CENPP: variants seen among roughly 807,000 people sequenced by gnomAD.
CENPP encodes the protein centromere protein P.
A neutral mutation model predicts 35.6 loss-of-function variants in CENPP; 24 were observed. The ratio of observed to expected loss-of-function variants is 0.67; its 90% CI spans 0.49 to 0.95. The LOEUF is 0.95. Ranked by LOEUF, CENPP falls within the 40% of genes least tolerant of loss-of-function variation. The pLI, the probability that CENPP is intolerant of heterozygous loss-of-function variation, is 0.00. For synonymous variants in CENPP, 120 were observed against 125.5 expected (o/e 0.96, Z 0.29); for missense variants, 332 against 345.3 (o/e 0.96, Z 0.31).
At chr9:92,381,384 A>G (rs1842239735) in intron 5 of CENPP, among the ~76,000 whole-genome samples, 2 of 151,586 alleles carry the variant, frequency 1.3e-5, no homozygotes, top group Admixed American at 1.3e-4. Context: ...TCCCTGGCTC[A>G]GGTGATCCTC....
At chr9:92,410,654 G>A (rs1030223864) in intron 5 of CENPP, among the ~76,000 whole-genome samples, 3 of 152,160 alleles carry the variant, frequency 2.0e-5, no homozygotes, top group African/African-American at 7.2e-5. Flanking sequence ...ATGTTGGAAG[G>A]AACCCAAAGA....
rs1400210488 is a variant in CENPP, at chr9:92,611,461, CT to C, written c.644+69del. 3 of 1,256,400 alleles carry C rather than the reference CT, an allele frequency of 2.4e-6. No homozygotes were observed. The African/African-American group carries it at 4.5e-5, about 19-fold the overall frequency. 77.8% of individuals were successfully genotyped at this position (1,256,400 alleles called of 1,614,324 possible). A position where few individuals can be genotyped will look rare whatever the true frequency, so the allele number is the denominator to read the frequency against. ...ACAAGGATTCCAAGTAGGAGACCAC[CT>C]AAGTAGGATTCTAAGTAGTAAACTA... is the stretch of plus-strand genomic sequence containing the variant. On this transcript the variant is annotated intron_variant, in intron 6 of 7. Transcript: ENST00000375587.
intron 4 of CENPP, among the ~76,000 whole-genome samples, chr9:92,350,334 C>T (rs537413166): frequency 2.0e-4 from 31 of 152,302 alleles, no homozygotes; most frequent in African/African-American, 7.2e-4. Flanking sequence ...GTCATTCTTA[C>T]AGCTGTGAGA....
At chr9:92,540,472 T>C (rs1361151784) in intron 5 of CENPP, among the ~76,000 whole-genome samples, 2 of 146,336 alleles carry the variant, frequency 1.4e-5, no homozygotes, top group Non-Finnish European at 3.0e-5. Flanking sequence ...TATAAAAACA[T>C]CTTAAAATAA....
chr9:92,416,803 G>T (rs1443604000), intron 5 of CENPP: 2 of 1,613,898 alleles, frequency 1.2e-6, no homozygotes, highest in South Asian at 2.2e-5. Flanking sequence ...GTTTGTCGAA[G>T]TATTTTTCGG....
chr9:92,359,820 A>G lies in CENPP; in HGVS notation c.467+14033A>G, dbSNP rs1345027963. On this transcript the variant is annotated intron_variant, in intron 4 of 7. Coordinates refer to ENST00000375587, the MANE Select transcript of CENPP (RefSeq NM_001012267.3). ...TTTTTTTTTGCTTGCTCTGGCTTCT[A>G]TAAGCTGTGTGTAAGCTGCTCTGGT... Among the ~76,000 whole-genome samples, 6 of 150,282 alleles carry G rather than the reference A, an allele frequency of 4.0e-5. No individual in the cohort carries two copies. In the East Asian group the frequency reaches 1.2e-3, roughly 29 times the overall value.
intron 4 of CENPP, among the ~76,000 whole-genome samples, chr9:92,377,678 A>G (rs1244710808): frequency 3.3e-5 from 5 of 152,150 alleles, no homozygotes; most frequent in Admixed American, 3.3e-4. Context: ...GGATGACCCC[A>G]GCACTTCCTA....
At chr9:92,433,078 A>G (rs1057233551) in intron 5 of CENPP, among the ~76,000 whole-genome samples, 1 of 152,196 alleles carries the variant, frequency 6.6e-6, no homozygotes, top group Non-Finnish European at 1.5e-5. Flanking sequence ...ATCTTTTGCT[A>G]CTATAACAGA....
chr9:92,533,465 A>G (rs547161746), intron 5 of CENPP, among the ~76,000 whole-genome samples: 1 of 149,638 alleles, frequency 6.7e-6, no homozygotes, highest in East Asian at 2.0e-4. Context: ...TTAAAACTCT[A>G]TTAATCTTCT....
chr9:92,342,027 A>G (rs145814593), intron 3 of CENPP, among the ~76,000 whole-genome samples: 60 of 152,392 alleles, frequency 3.9e-4, no homozygotes, highest in African/African-American at 1.3e-3. Context: ...GTAAGTTTTC[A>G]AGGGCTAATA....
At chr9:92,428,147 G>A (rs992628616) in intron 5 of CENPP, among the ~76,000 whole-genome samples, 1 of 152,092 alleles carries the variant, frequency 6.6e-6, no homozygotes, top group African/African-American at 2.4e-5. Context: ...TGCTCCCAGG[G>A]GGCTATGAGG....
intron 5 of CENPP, chr9:92,538,904 C>T (rs1044989410): frequency 6.6e-6 from 1 of 152,080 alleles, no homozygotes; most frequent in East Asian, 1.9e-4. Flanking sequence ...ATCACCTTTT[C>T]AGTATTTTTC....
chr9:92,514,545 G>T, intron 5 of CENPP: 1 of 1,497,332 alleles, frequency 6.7e-7, no homozygotes, highest in Non-Finnish European at 8.9e-7. Flanking sequence ...AAAGTGCTGA[G>T]ATTATAGGCG....
intron 5 of CENPP, among the ~76,000 whole-genome samples, chr9:92,463,592 C>G (rs1291711087): frequency 3.3e-5 from 5 of 152,204 alleles, no homozygotes; most frequent in African/African-American, 1.2e-4. Context: ...TCCTCCAGCC[C>G]TGTAGGCTGT....
At chr9:92,392,476 G>T (rs182031660) in intron 5 of CENPP, among the ~76,000 whole-genome samples, 1 of 152,082 alleles carries the variant, frequency 6.6e-6, no homozygotes, top group Admixed American at 6.6e-5. Context: ...ACAAATATTA[G>T]CCAGGTGTGG....
chr9:92,381,474 C>T (rs1842242915), intron 5 of CENPP, among the ~76,000 whole-genome samples: 1 of 151,998 alleles, frequency 6.6e-6, no homozygotes, highest in Non-Finnish European at 1.5e-5. Context: ...CGTAGAGATG[C>T]AGTTTCGCCG....
At chr9:92,504,247 G>A (rs1054711497) in intron 5 of CENPP, among the ~76,000 whole-genome samples, 2 of 152,212 alleles carry the variant, frequency 1.3e-5, no homozygotes, top group Non-Finnish European at 2.9e-5. Flanking sequence ...AGGAGATTCT[G>A]ATGGAAAGCC....
At chr9:92,375,502 T>G (rs1415516500) in intron 4 of CENPP, among the ~76,000 whole-genome samples, 2 of 151,980 alleles carry the variant, frequency 1.3e-5, no homozygotes, top group Non-Finnish European at 2.9e-5. Context: ...TTCACCACAT[T>G]AGCTAGGCTG....
chr9:92,577,806 A>T (rs575788988), intron 5 of CENPP, among the ~76,000 whole-genome samples: 204 of 150,326 alleles, frequency 1.4e-3, no homozygotes, highest in African/African-American at 4.7e-3. Flanking sequence ...TTATTTATTT[A>T]TTATTATTAT....
Sources: gnomAD v4.1 joint callset for allele counts (sites outside exome capture counted in the v4.1 genomes callset) on GRCh38, gnomAD v4.1.1 for gene constraint, MANE v1.5 for transcripts, NCBI Gene and HGNC (gene_info 2026-07-23, HGNC 2026-07-21) for gene names.